VWA8: variants seen among roughly 807,000 people sequenced by gnomAD.
VWA8 encodes the protein von Willebrand factor A domain containing 8, also known as von Willebrand factor A domain-containing protein 8.
Under a neutral mutation model 241.5 loss-of-function variants are expected in VWA8, and 221 were observed. The observed-to-expected ratio is 0.91, with a 90% CI of 0.82 to 1.02. The LOEUF (loss-of-function observed/expected upper bound fraction) is 1.02. Among genes scored for constraint, VWA8 ranks in the 50% least tolerant of loss-of-function variants. VWA8 has a pLI of 0.00. For synonymous variants in VWA8, 852 were observed against 827.1 expected, an observed-to-expected ratio of 1.03 and a Z score of -0.52; for missense variants, 2,322 against 2,328.7, an observed-to-expected ratio of 1.00 and a Z score of 0.06.
At chr13:41,719,311 G>C (rs2045366600) in intron 26 of VWA8, 1 of 1,213,530 alleles carries the variant, frequency 8.2e-7, no homozygotes, top group African/African-American at 1.6e-5. Context: ...AATACGCATA[G>C]TAATTCAACA....
intron 37 of VWA8, among the ~76,000 whole-genome samples, chr13:41,650,573 C>A (rs968128538): frequency 6.6e-6 from 1 of 152,198 alleles, no homozygotes; most frequent in African/African-American, 2.4e-5. Context: ...TCTGAGGGAC[C>A]TCGTAAAAGC....
rs1189145601 is a variant in VWA8, at chr13:41,719,691, CAA to C, written c.3014_3015del (p.Phe1005Ter). On this transcript the variant is annotated frameshift_variant, in exon 26 of 45. Coordinates refer to ENST00000379310, the MANE Select transcript of VWA8 (RefSeq NM_015058.2). LOFTEE classifies it high-confidence loss of function. ...TCCCTCATGTCATTGTTGTAGGAAT[CAA>C]AGTCAAACACATTTCGAACTACACT... ...LSSVVRNVFD[F>X]DSYNNDMREI... The C allele has an allele frequency of 6.2e-7, 1 of 1,612,840 alleles. No individual in the cohort carries two copies. Among genetic ancestry groups the C allele is most frequent in the East Asian group, 2.2e-5 (1 of 44,818 alleles).
intron 17 of VWA8, among the ~76,000 whole-genome samples, chr13:41,809,630 A>G (rs568488585): frequency 3.3e-5 from 5 of 152,326 alleles, no homozygotes; most frequent in African/African-American, 1.2e-4. Flanking sequence ...TAAATCTAAG[A>G]CCTCAAACTA....
intron 37 of VWA8, among the ~76,000 whole-genome samples, chr13:41,666,338 C>G (rs1369659636): frequency 6.6e-6 from 1 of 152,100 alleles, no homozygotes; most frequent in Non-Finnish European, 1.5e-5. Flanking sequence ...TAACATGATA[C>G]TATCTTATCT....
intron 39 of VWA8, among the ~76,000 whole-genome samples, chr13:41,605,673 T>C (rs971633001): frequency 6.6e-6 from 1 of 152,114 alleles, no homozygotes; most frequent in African/African-American, 2.4e-5. Context: ...TATTGTGATG[T>C]TTGCAGCCGA....
intron 21 of VWA8, among the ~76,000 whole-genome samples, chr13:41,758,415 T>TATAC (rs2045713130): frequency 1.4e-5 from 1 of 69,514 alleles, no homozygotes; most frequent in South Asian, 4.2e-4. Flanking sequence ...TATATATATA[T>TATAC]ATATATATAT....
At chr13:41,779,549 C>T (rs1868792239) in intron 19 of VWA8, among the ~76,000 whole-genome samples, 1 of 152,090 alleles carries the variant, frequency 6.6e-6, no homozygotes, top group African/African-American at 2.4e-5. Flanking sequence ...AAAAGAGACA[C>T]TATTAATAAT....
intron 9 of VWA8, among the ~76,000 whole-genome samples, chr13:41,880,269 T>G (rs1455696756): frequency 1.3e-5 from 2 of 152,220 alleles, no homozygotes; most frequent in African/African-American, 4.8e-5. Flanking sequence ...AACATTTTTT[T>G]AGCACATTTC....
intron 3 of VWA8, among the ~76,000 whole-genome samples, chr13:41,910,339 C>G (rs1188645525): frequency 6.6e-6 from 1 of 152,142 alleles, no homozygotes; most frequent in Non-Finnish European, 1.5e-5. Flanking sequence ...GTAATCCCAG[C>G]ACTCTGGGAG....
chr13:41,863,454 T>TA (rs767135880), intron 12 of VWA8, among the ~76,000 whole-genome samples: 4,504 of 94,110 alleles, frequency 0.048, 254 homozygotes, highest in Admixed American at 0.057. Context: ...TATATATATA[T>TA]TCACACACAC....
chr13:41,743,620 A>G (rs1216830437), intron 21 of VWA8, among the ~76,000 whole-genome samples: 2 of 152,336 alleles, frequency 1.3e-5, no homozygotes, highest in Admixed American at 6.5e-5. Flanking sequence ...GCTGCCAAAC[A>G]TATCAGCGTT....
intron 42 of VWA8, among the ~76,000 whole-genome samples, 189 bp downstream of exon 42, chr13:41,587,323 C>T (rs2044425134): frequency 6.6e-6 from 1 of 152,156 alleles, no homozygotes; most frequent in Non-Finnish European, 1.5e-5. Flanking sequence ...CTGTAGTAAT[C>T]AGACTTTTAA....
At chr13:41,745,787 G>T (rs915224357) in intron 21 of VWA8, among the ~76,000 whole-genome samples, 1 of 152,158 alleles carries the variant, frequency 6.6e-6, no homozygotes, top group African/African-American at 2.4e-5. Flanking sequence ...AACCATTGTG[G>T]AAGACTGTGT....
At chr13:41,898,932 G>T (rs1307249414) in intron 4 of VWA8, among the ~76,000 whole-genome samples, 1 of 152,146 alleles carries the variant, frequency 6.6e-6, no homozygotes. Context: ...CAAGCGCCGC[G>T]CGCAGCCCCG....
At chr13:41,741,615 G>A (rs9566840) in intron 21 of VWA8, among the ~76,000 whole-genome samples, 1 of 151,886 alleles carries the variant, frequency 6.6e-6, no homozygotes, top group Non-Finnish European at 1.5e-5. Context: ...TACACCTAGT[G>A]TCTATCATTA....
chr13:41,753,035 T>TG (rs1428017131), intron 21 of VWA8, among the ~76,000 whole-genome samples: 1 of 152,048 alleles, frequency 6.6e-6, no homozygotes, highest in Non-Finnish European at 1.5e-5. Context: ...CTTGAAGGGT[T>TG]GGGGGAGAAA....
At chr13:41,902,165 T>C (rs995085073) in intron 4 of VWA8, among the ~76,000 whole-genome samples, 9 of 151,852 alleles carry the variant, frequency 5.9e-5, no homozygotes, top group Non-Finnish European at 8.8e-5. Context: ...AAAATAGGAA[T>C]GTTAAATAAA....
In VWA8 at chr13:41,930,926, G is replaced by A. The variant is rs530912316; in HGVS notation, c.242-18758C>T. 3.3e-5 allele frequency among the ~76,000 whole-genome samples: 5 copies of A among 152,072 alleles called. 1 individual carries two copies. Among genetic ancestry groups the A allele is most frequent in the South Asian group, 2.1e-4 (1 of 4,816 alleles). On this transcript the variant is annotated intron_variant, in intron 2 of 44. Transcript: ENST00000379310. ...AGCACTTTGAGAGGCCGAGGCGGGC[G>A]GATCACGAGGTCAAGAGATTGAGAC...
At chr13:41,581,392 A>G (rs1168861807) in intron 42 of VWA8, among the ~76,000 whole-genome samples, 1 of 152,238 alleles carries the variant, frequency 6.6e-6, no homozygotes, top group Admixed American at 6.5e-5. Context: ...CCAGTACATT[A>G]CATAATCCCT....
Sources: gnomAD v4.1 joint callset for allele counts (sites outside exome capture counted in the v4.1 genomes callset) on GRCh38, gnomAD v4.1.1 for gene constraint, MANE v1.5 for transcripts, NCBI Gene and HGNC (gene_info 2026-07-23, HGNC 2026-07-21) for gene names.